HECTD4: variants seen among roughly 807,000 people sequenced by gnomAD.
HECTD4 encodes HECT domain E3 ubiquitin protein ligase 4.
A neutral mutation model predicts 471.5 loss-of-function variants in HECTD4; 114 were observed. The observed-to-expected ratio is 0.24, with a 90% CI of 0.21 to 0.28. The LOEUF is 0.28. Among genes scored for constraint, HECTD4 ranks in the 10% least tolerant of loss-of-function variants. The pLI is 1.00. For missense variants in HECTD4, 3,866 were observed against 5,651.5 expected (o/e 0.68, Z 10.13); for synonymous variants, 2,012 against 2,256.0 (o/e 0.89, Z 3.07).
At chr12:112,370,778 A>G (rs963821117) in intron 1 of HECTD4, among the ~76,000 whole-genome samples, 4 of 152,244 alleles carry the variant, frequency 2.6e-5, no homozygotes, top group Middle Eastern at 3.4e-3. Flanking sequence ...TGTACTACTC[A>G]TAGTTTTTTT....
chr12:112,246,825 T>C, intron 29 of HECTD4, 76 bp downstream of exon 29: 1 of 1,309,768 alleles, frequency 7.6e-7, no homozygotes, highest in Non-Finnish European at 1.0e-6. Flanking sequence ...AAAATATAGC[T>C]GTGTGTCTTA....
At chr12:112,300,737 A>G (rs2135673974) in intron 7 of HECTD4, among the ~76,000 whole-genome samples, 2 of 152,028 alleles carry the variant, frequency 1.3e-5, no homozygotes, top group South Asian at 2.1e-4. Flanking sequence ...AGCTAAGACT[A>G]CAGGAGTGTG....
intron 67 of HECTD4, among the ~76,000 whole-genome samples, 188 bp downstream of exon 67, chr12:112,172,483 T>G (rs1261897042): frequency 2.6e-5 from 4 of 152,246 alleles, no homozygotes; most frequent in African/African-American, 4.8e-5. Context: ...TAGGCCACAG[T>G]CCTGGCTCCC....
chr12:112,196,809 T>C (rs1237117598), intron 55 of HECTD4, among the ~76,000 whole-genome samples: 1 of 152,108 alleles, frequency 6.6e-6, no homozygotes, highest in African/African-American at 2.4e-5. Flanking sequence ...TTTTTTTTGT[T>C]TTTTGAGATG....
rs2032051548 is a variant in HECTD4, at chr12:112,190,779, G to A, written c.9472+7C>T. 1 of 1,568,900 alleles carries A rather than the reference G, an allele frequency of 6.4e-7. No homozygotes were observed. The highest frequency in any genetic ancestry group is 1.8e-5 in the Admixed American group (1 of 54,684). ...TAGATTCCGATCCCCAGGGAAGGCA[G>A]CCTCACCTAGCAGCTCCACCACCTG... On this transcript the variant is annotated splice_region_variant and intron_variant, in intron 60 of 75. Transcript: ENST00000682272.
rs1475965642 is a variant in HECTD4 at position 112,203,720 on chromosome 12, A to G, written c.8322T>C (p.Ala2774=). 13 of 1,611,810 alleles carry G rather than the reference A, an allele frequency of 8.1e-6. No homozygotes were observed. The Admixed American group carries it at 2.2e-4, about 27-fold the overall frequency. ...CAAATTTTGGCAGAGCAGTTCCAACAGCACTGCTGGCTACATTATTGCTGT... is the reference window on the plus strand; with the variant it reads ...CAAATTTTGGCAGAGCAGTTCCAACGGCACTGCTGGCTACATTATTGCTGT... ...SPDSNNVASS[A]VGTALPKFAI... The change falls in exon 54 of 76, where the codon GCT becomes GCC. Residue 2774 remains alanine (A), a synonymous_variant. Coordinates refer to ENST00000682272, the MANE Select transcript of HECTD4 (RefSeq NM_001388303.1).
chr12:112,167,058 G>A (rs1231944162), intron 72 of HECTD4: 2 of 383,176 alleles, frequency 5.2e-6, no homozygotes, highest in East Asian at 4.4e-5. Context: ...CCATGGCCAG[G>A]CAATGAGCAC....
At chr12:112,313,517 T>G (rs2035412931) in intron 3 of HECTD4, among the ~76,000 whole-genome samples, 1 of 139,948 alleles carries the variant, frequency 7.1e-6, no homozygotes, top group South Asian at 2.3e-4. Context: ...AGACAGAGTC[T>G]CGCTCTGTCA....
Position 112,366,482 on chromosome 12 carries a change from T to C in HECTD4, c.177+15470A>G, listed in dbSNP as rs535878493. ...TGGCAGTGAGCTATGATTATGCTGC[T>C]GTACTCAGCCTGGACAACAAAGTGA... On this transcript the variant is annotated intron_variant, in intron 1 of 75. Coordinates refer to ENST00000682272, the MANE Select transcript of HECTD4 (RefSeq NM_001388303.1). Among the ~76,000 whole-genome samples the C allele has an allele frequency of 7.2e-5, 11 of 152,198 alleles. No individual in the cohort carries two copies. The South Asian group carries it at 1.5e-3, about 20-fold the overall frequency.
Position 112,185,110 on chromosome 12 carries a change from G to C in HECTD4, c.9856C>G (p.Pro3286Ala). 1 of 1,563,954 alleles carries C rather than the reference G, an allele frequency of 6.4e-7. No homozygotes were observed. Among genetic ancestry groups the C allele is most frequent in the Non-Finnish European group, 8.7e-7 (1 of 1,153,720 alleles). ...GAGGAGGACGAGTCACTGAGATTTG[G>C]GGCGGTCGCTGAGGTCACCCCACTG... Reference protein sequence around the residue: ...TASGVTSATAPNLSDSSSSSS... With the variant: ...TASGVTSATAANLSDSSSSSS... The change falls in exon 61 of 76, where the codon CCA becomes GCA. Residue 3286 changes from proline (P) to alanine (A), a missense_variant. By Grantham distance (27) the Pro-to-Ala change is conservative. Transcript: ENST00000682272.
intron 1 of HECTD4, among the ~76,000 whole-genome samples, chr12:112,359,159 G>T (rs2036403480): frequency 2.0e-5 from 3 of 151,598 alleles, no homozygotes; most frequent in Admixed American, 2.0e-4. Flanking sequence ...CTCCAGCCTG[G>T]GCAACAGAGC....
chr12:112,241,880 C>A (rs2033648709), intron 32 of HECTD4, among the ~76,000 whole-genome samples: 1 of 152,202 alleles, frequency 6.6e-6, no homozygotes, highest in Admixed American at 6.5e-5. Context: ...TCTCAAGATA[C>A]TCACTTCAGC....
chr12:112,192,146 G>T (rs906937025), intron 59 of HECTD4, among the ~76,000 whole-genome samples: 2 of 152,188 alleles, frequency 1.3e-5, no homozygotes, highest in African/African-American at 4.8e-5. Flanking sequence ...GTTAGTTGAG[G>T]AGCAGACTCT....
intron 28 of HECTD4, 144 bp downstream of exon 28, chr12:112,247,318 T>A: frequency 1.5e-6 from 1 of 670,010 alleles, no homozygotes; most frequent in Admixed American, 3.6e-5. Context: ...AACCAAAATT[T>A]CCAATTTACC....
At chr12:112,222,239 T>C (rs1402246793) in intron 44 of HECTD4, among the ~76,000 whole-genome samples, 1 of 151,986 alleles carries the variant, frequency 6.6e-6, no homozygotes, top group East Asian at 1.9e-4. Flanking sequence ...GTATTTTAAG[T>C]AGAGATGGGG....
chr12:112,169,639 T>C lies in HECTD4; in HGVS notation c.12072A>G (p.Glu4024=). The change falls in exon 70 of 76, where the codon GAA becomes GAG. Residue 4024 remains glutamate (E), a synonymous_variant. Coordinates refer to ENST00000682272, the MANE Select transcript of HECTD4 (RefSeq NM_001388303.1). ...EIVGGEIRAS[E]NSYFCQAARQ... ...TGGCAGCCTGACAGAAGTAGGAGTT[T>C]TCAGAAGCTCTGATTTCCCCTGGAA... 1 of 1,613,324 alleles carries C rather than the reference T, an allele frequency of 6.2e-7. No homozygotes were observed. The highest frequency in any genetic ancestry group is 8.5e-7 in the Non-Finnish European group (1 of 1,179,874).
At chr12:112,276,511 G>A (rs1566096053) in intron 9 of HECTD4, among the ~76,000 whole-genome samples, 1 of 152,134 alleles carries the variant, frequency 6.6e-6, no homozygotes, top group Non-Finnish European at 1.5e-5. Flanking sequence ...GCAGTGGCGC[G>A]ATCTAGGCTC....
chr12:112,329,377 T>C (rs533595557), intron 1 of HECTD4, among the ~76,000 whole-genome samples: 13 of 151,796 alleles, frequency 8.6e-5, no homozygotes, highest in African/African-American at 2.9e-4. Flanking sequence ...TTTGTTTTTT[T>C]TTTTTTTTTT....
At chr12:112,168,992 G>A (rs1288288719) in intron 70 of HECTD4, among the ~76,000 whole-genome samples, 2 of 152,242 alleles carry the variant, frequency 1.3e-5, no homozygotes, top group African/African-American at 2.4e-5. Context: ...CTCCTGCCCG[G>A]ACAGCCTTTC....
Sources: allele counts gnomAD v4.1 joint callset (sites outside exome capture counted in the v4.1 genomes callset), GRCh38; gene constraint gnomAD v4.1.1; transcripts MANE v1.5; gene names NCBI Gene and HGNC (gene_info 2026-07-23, HGNC 2026-07-21).